The following COBLL1 variants were observed in gnomAD, a reference collection of about 807,000 sequenced individuals.
COBLL1 encodes cordon-bleu WH2 repeat protein like 1.
Under a neutral mutation model 94.8 loss-of-function variants are expected in COBLL1, and 50 were observed. The observed-to-expected ratio is 0.53, with a 90% confidence interval of 0.42 to 0.67. COBLL1 has a LOEUF of 0.67. COBLL1 is among the 30% of genes least tolerant of loss of function. The pLI is 0.00. For synonymous variants in COBLL1, 448 were observed against 473.8 expected, an observed-to-expected ratio of 0.95 and a Z score of 0.71; for missense variants, 1,362 against 1,348.7, an observed-to-expected ratio of 1.01 and a Z score of -0.15.
At chr2:164,667,287 A>G (rs1691175837) in intron 1 of COBLL1, among the ~76,000 whole-genome samples, 1 of 152,100 alleles carries the variant, frequency 6.6e-6, no homozygotes, top group South Asian at 2.1e-4. Flanking sequence ...TGGTGTTTTG[A>G]GCACAGGCAC....
intron 3 of COBLL1, among the ~76,000 whole-genome samples, chr2:164,731,850 C>T (rs190416011): frequency 1.8e-4 from 28 of 152,260 alleles, no homozygotes; most frequent in African/African-American, 5.5e-4. Context: ...TGTTTTCATA[C>T]GGCACGTCAC....
chr2:164,779,028 A>T (rs1688608471), intron 2 of COBLL1, among the ~76,000 whole-genome samples: 1 of 152,130 alleles, frequency 6.6e-6, no homozygotes. Context: ...GTCATTCAGG[A>T]TTTTTGAATT....
At chr2:164,741,848 A>G (rs1198694739) in intron 3 of COBLL1, among the ~76,000 whole-genome samples, 1 of 152,154 alleles carries the variant, frequency 6.6e-6, no homozygotes, top group Non-Finnish European at 1.5e-5. Flanking sequence ...TTTAGACATG[A>G]AGAAAATTGC....
intron 2 of COBLL1, among the ~76,000 whole-genome samples, chr2:164,759,228 G>A (rs1687564569): frequency 6.6e-6 from 1 of 151,924 alleles, no homozygotes; most frequent in African/African-American, 2.4e-5. Flanking sequence ...ATTCATGTTG[G>A]GGTAAACCTA....
At chr2:164,696,146 G>A (rs1385620499) in intron 11 of COBLL1, 1 of 218,352 alleles carries the variant, frequency 4.6e-6, no homozygotes, top group African/African-American at 2.3e-5. Context: ...CATTTAGATA[G>A]CATGCTCATT....
rs1019744907 is a variant in COBLL1 at position 164,841,669 on chromosome 2, T to C, written c.-51+41A>G. Reference sequence around the variant, plus strand: ...TAGGAAAACTTTTCCCGAAGAGAAGTTGGGAGGGCTGATCTCTCTTTTCCC... The same window carrying C: ...TAGGAAAACTTTTCCCGAAGAGAAGCTGGGAGGGCTGATCTCTCTTTTCCC... On this transcript the variant is annotated intron_variant, in intron 1 of 13. Coordinates refer to ENST00000652658, the MANE Select transcript of COBLL1 (RefSeq NM_001365672.2). This position sits in a 1 kb window ranked among gnomAD's most constrained non-coding sequence, Gnocchi z 5.5. The C allele has an allele frequency of 1.6e-5, 6 of 371,602 alleles. No homozygotes were observed. The highest frequency in any genetic ancestry group is 2.4e-5 in the Non-Finnish European group (5 of 209,754). 23.0% of individuals were successfully genotyped at this position (371,602 alleles called of 1,614,324 possible). A position where few individuals can be genotyped will look rare whatever the true frequency, so the allele number is the denominator to read the frequency against.
chr2:164,725,285 C>G (rs13414649), intron 5 of COBLL1, among the ~76,000 whole-genome samples: 28,300 of 151,772 alleles, frequency 0.19, 3,255 homozygotes, highest in African/African-American at 0.32. Flanking sequence ...ATTATTTTTA[C>G]ATTTGCCACT....
intron 4 of COBLL1, among the ~76,000 whole-genome samples, chr2:164,728,854 A>G (rs1685846079): frequency 6.6e-6 from 1 of 152,050 alleles, no homozygotes; most frequent in South Asian, 2.1e-4. Context: ...TAAAATTACT[A>G]CAAAGATTTT....
At chr2:164,817,618 TTCACCA>T (rs927439279) in intron 2 of COBLL1, among the ~76,000 whole-genome samples, 5 of 152,226 alleles carry the variant, frequency 3.3e-5, no homozygotes, top group Admixed American at 3.3e-4. Context: ...CATTATATCC[TTCACCA>T]TCACTGTAAG....
intron 3 of COBLL1, among the ~76,000 whole-genome samples, chr2:164,733,923 T>C (rs1574490541): frequency 6.6e-6 from 1 of 152,220 alleles, no homozygotes; most frequent in South Asian, 2.1e-4. Context: ...ATTTGGTGAA[T>C]GGCTGCCATA....
At chr2:164,679,082 C>A (rs1483373261), downstream of COBLL1, among the ~76,000 whole-genome samples, 1 of 152,136 alleles carries the variant, frequency 6.6e-6, no homozygotes, top group Non-Finnish European at 1.5e-5. Flanking sequence ...TCTTCGCAGC[C>A]TCTAGCATTT....
At position 164,728,121 on chromosome 2, in the gene COBLL1, T is replaced by G; in HGVS notation, c.509A>C (p.Gln170Pro). 1 of 1,613,758 alleles carries G rather than the reference T, an allele frequency of 6.2e-7. No individual in the cohort carries two copies. Among genetic ancestry groups the G allele is most frequent in the East Asian group, 2.2e-5 (1 of 44,854 alleles). The change falls in exon 5 of 14, where the codon CAA (glutamine) becomes CCA (proline). Residue 170 changes from glutamine to proline, a missense_variant. By Grantham distance (76) the Gln-to-Pro change is moderately conservative. Transcript: ENST00000652658. Reference protein sequence around the residue: ...IVRVSPHASLQELAPIICSKC... With the variant: ...IVRVSPHASLPELAPIICSKC... ...GCTACATATAATAGGGGCAAGCTCTTGAAGCGATGCATGTGGACTCACTCT... is the reference window on the plus strand; with the variant it reads ...GCTACATATAATAGGGGCAAGCTCTGGAAGCGATGCATGTGGACTCACTCT...
intron 3 of COBLL1, among the ~76,000 whole-genome samples, chr2:164,732,899 C>T (rs1471991860): frequency 6.6e-6 from 1 of 152,024 alleles, no homozygotes; most frequent in Non-Finnish European, 1.5e-5. Flanking sequence ...ACTAAAAATA[C>T]AAAAAATTAG....
intron 1 of COBLL1, among the ~76,000 whole-genome samples, chr2:164,674,211 C>A (rs903716186): frequency 6.6e-6 from 1 of 152,090 alleles, no homozygotes; most frequent in African/African-American, 2.4e-5. Context: ...TAGGCACGCA[C>A]CACCAGACCC....
chr2:164,727,981 C>A lies in COBLL1; in HGVS notation c.649G>T (p.Asp217Tyr), dbSNP rs751504233. Residue 217 changes from aspartate (D) to tyrosine (Y), a missense_variant, in exon 5 of 14, where the codon GAT becomes TAT. Physicochemically the swap from Asp to Tyr is radical, Grantham distance 160. Coordinates refer to ENST00000652658, the MANE Select transcript of COBLL1 (RefSeq NM_001365672.2). ...AAGTCTTACTTACCTCTGTTGACAT[C>A]CATCGCATATAATTCTCTTAGTCCC... ...DLGLRELYAM[D>Y]VNRESCQISQ... The A allele has an allele frequency of 6.2e-7, 1 of 1,602,624 alleles. No homozygotes were observed.
chr2:164,726,512 T>TA (rs1217805758), intron 5 of COBLL1, among the ~76,000 whole-genome samples: 1 of 152,014 alleles, frequency 6.6e-6, no homozygotes, highest in Non-Finnish European at 1.5e-5. Context: ...AGAAAATAAA[T>TA]AATAAAAAAA....
At chr2:164,703,456 G>A (rs956483088) in intron 9 of COBLL1, among the ~76,000 whole-genome samples, 3 of 152,090 alleles carry the variant, frequency 2.0e-5, no homozygotes, top group Non-Finnish European at 4.4e-5. Flanking sequence ...CTCAACAGTT[G>A]TAATTGTTAT....
At chr2:164,674,367 C>T (rs1272043604) in intron 1 of COBLL1, among the ~76,000 whole-genome samples, 1 of 152,070 alleles carries the variant, frequency 6.6e-6, no homozygotes, top group Non-Finnish European at 1.5e-5. Flanking sequence ...CCAAAATTTA[C>T]TGTCTTATTC....
intron 2 of COBLL1, among the ~76,000 whole-genome samples, chr2:164,772,571 A>G (rs1688259969): frequency 6.6e-6 from 1 of 152,042 alleles, no homozygotes; most frequent in South Asian, 2.1e-4. Flanking sequence ...AGACTTCTTT[A>G]AATACTAATT....
Sources: gnomAD v4.1 joint callset for allele counts (sites outside exome capture counted in the v4.1 genomes callset) on GRCh38, gnomAD v4.1.1 for gene constraint, Gnocchi (gnomAD v3.1) non-coding constraint, MANE v1.5 for transcripts, NCBI Gene and HGNC (gene_info 2026-07-23, HGNC 2026-07-21) for gene names.